PPP1R16B: variants seen among roughly 807,000 people sequenced by gnomAD.
PPP1R16B encodes protein phosphatase 1 regulatory inhibitor subunit 16B.
A neutral mutation model predicts 61.7 loss-of-function variants in PPP1R16B; 14 were observed. The ratio of observed to expected loss-of-function variants is 0.23; its 90% CI spans 0.15 to 0.35. The LOEUF is 0.35. PPP1R16B is among the 10% of genes least tolerant of loss of function. The probability of loss-of-function intolerance (pLI) is 1.00; values close to 1 mark genes in which losing one functional copy is unlikely to be tolerated. For synonymous variants in PPP1R16B, 266 were observed against 305.3 expected, an observed-to-expected ratio of 0.87 and a Z score of 1.34; for missense variants, 547 against 752.5, an observed-to-expected ratio of 0.73 and a Z score of 3.19.
intron 1 of PPP1R16B, among the ~76,000 whole-genome samples, chr20:38,833,388 C>T (rs2084849942): frequency 6.6e-6 from 1 of 152,126 alleles, no homozygotes; most frequent in Non-Finnish European, 1.5e-5. Flanking sequence ...TTGCATAAAA[C>T]AAAACACATC....
At chr20:38,887,577 A>G (rs1243700990) in intron 2 of PPP1R16B, among the ~76,000 whole-genome samples, 2 of 152,220 alleles carry the variant, frequency 1.3e-5, no homozygotes, top group Non-Finnish European at 2.9e-5. Context: ...AAAATGGTCT[A>G]TTTCTACACT....
At chr20:38,897,412 A>G (rs1016759119) in intron 4 of PPP1R16B, among the ~76,000 whole-genome samples, 1 of 152,190 alleles carries the variant, frequency 6.6e-6, no homozygotes, top group African/African-American at 2.4e-5. Context: ...AGGTTCATCT[A>G]TGTTGTAGTA....
In PPP1R16B at chr20:38,890,347, G is replaced by A. The variant is rs573721185; in HGVS notation, c.321+682G>A. Among the ~76,000 whole-genome samples the A allele has an allele frequency of 5.3e-5, 8 of 152,342 alleles. 1 individual carries two copies. The South Asian group carries it at 1.7e-3, about 32-fold the overall frequency. ...GGGATAAAGAACAAACTCTGCCACAGTGCACAAGGCTGCACGAGGCTGGGC... is the reference window on the plus strand; with the variant it reads ...GGGATAAAGAACAAACTCTGCCACAATGCACAAGGCTGCACGAGGCTGGGC... On this transcript the variant is annotated intron_variant, in intron 3 of 10. Coordinates refer to ENST00000299824, the MANE Select transcript of PPP1R16B (RefSeq NM_015568.4).
intron 3 of PPP1R16B, among the ~76,000 whole-genome samples, chr20:38,891,952 A>T (rs531604708): frequency 1.1e-4 from 16 of 152,128 alleles, no homozygotes; most frequent in Non-Finnish European, 2.1e-4. Context: ...GATCCACAGC[A>T]CTCGAAATGT....
rs11381856 is a variant in PPP1R16B, at chr20:38,850,967, C to CAA, written c.250+14807_250+14808dup. On this transcript the variant is annotated intron_variant, in intron 2 of 10. Transcript: ENST00000299824. ...TGGGCAATAGAACAAGACTCCATCTCAAAAAAAAAAAAAAAATTGTTGAAT... is the reference window on the plus strand; with the variant it reads ...TGGGCAATAGAACAAGACTCCATCTCAAAAAAAAAAAAAAAAAATTGTTGAAT... Among the ~76,000 whole-genome samples the CAA allele has an allele frequency of 3.7e-3, 504 of 136,670 alleles. 1 individual carries two copies. The highest frequency in any genetic ancestry group is 9.6e-3 in the African/African-American group (351 of 36,592). The allele number at this position is 136,670 out of a possible 152,430, so 89.7% of individuals were successfully genotyped here.
chr20:38,869,201 C>T (rs2085110233), intron 2 of PPP1R16B, among the ~76,000 whole-genome samples: 1 of 151,992 alleles, frequency 6.6e-6, no homozygotes, highest in African/African-American at 2.4e-5. Flanking sequence ...ACGTGTCACC[C>T]AGGCTGAATG....
intron 2 of PPP1R16B, among the ~76,000 whole-genome samples, chr20:38,847,306 T>C (rs1411417803): frequency 6.6e-6 from 1 of 152,214 alleles, no homozygotes; most frequent in Non-Finnish European, 1.5e-5. Flanking sequence ...TGAATACCTA[T>C]TCATAAGCTT....
At chr20:38,843,361 C>T (rs1476076031) in intron 2 of PPP1R16B, among the ~76,000 whole-genome samples, 1 of 152,222 alleles carries the variant, frequency 6.6e-6, no homozygotes, top group African/African-American at 2.4e-5. Flanking sequence ...GGTTCTCGTT[C>T]AGGATATCTC....
chr20:38,918,648 C>T lies in PPP1R16B; in HGVS notation c.1686C>T (p.Gly562=), dbSNP rs1247360348. The change falls in exon 11 of 11, where the codon GGC becomes GGT. Residue 562 remains glycine, a synonymous_variant. Coordinates refer to ENST00000299824, the MANE Select transcript of PPP1R16B (RefSeq NM_015568.4). This position sits in a 1 kb window ranked among gnomAD's most constrained non-coding sequence, Gnocchi z 5.3. ...PIEEMEEKVH[G]CCRIS ...AGGAGATGGAGGAGAAGGTGCATGG[C>T]TGTTGCCGTATCTCCTAGTCTCCGT... 6.6e-7 allele frequency: 1 copy of T among 1,513,444 alleles called. No individual in the cohort carries two copies. The highest frequency in any genetic ancestry group is 8.8e-7 in the Non-Finnish European group (1 of 1,132,238). The allele number at this position is 1,513,444 out of a possible 1,614,324, so 93.8% of individuals were successfully genotyped here. A position where few individuals can be genotyped will look rare whatever the true frequency, so the allele number is the denominator to read the frequency against.
intron 2 of PPP1R16B, among the ~76,000 whole-genome samples, chr20:38,844,736 C>G (rs974431117): frequency 3.9e-5 from 6 of 152,084 alleles, no homozygotes; most frequent in African/African-American, 1.2e-4. Context: ...CTTGGTGCCA[C>G]TAAGTTAATT....
chr20:38,836,226 A>G, intron 2 of PPP1R16B, 51 bp downstream of exon 2: 1 of 1,567,330 alleles, frequency 6.4e-7, no homozygotes, highest in Non-Finnish European at 8.6e-7. Context: ...GCCTCTGATC[A>G]GGGTTTGGAA....
chr20:38,825,174 A>T (rs2084798038), intron 1 of PPP1R16B, among the ~76,000 whole-genome samples: 1 of 152,184 alleles, frequency 6.6e-6, no homozygotes, highest in African/African-American at 2.4e-5. Context: ...AGATGCTTCA[A>T]ATGGACAAGA....
chr20:38,880,975 C>T (rs2085199603), intron 2 of PPP1R16B, among the ~76,000 whole-genome samples: 1 of 152,176 alleles, frequency 6.6e-6, no homozygotes, highest in African/African-American at 2.4e-5. Flanking sequence ...CACGGTTGTC[C>T]AACCCCTCCT....
At chr20:38,882,042 G>A (rs1395092453) in intron 2 of PPP1R16B, among the ~76,000 whole-genome samples, 2 of 152,116 alleles carry the variant, frequency 1.3e-5, no homozygotes, top group Non-Finnish European at 2.9e-5. Context: ...AGCAATAATC[G>A]CAGGGAGCTA....
rs1452799719 is a variant in PPP1R16B, at chr20:38,806,356, C to T, written c.-102+564C>T. On this transcript the variant is annotated intron_variant, in intron 1 of 10. Coordinates refer to ENST00000299824, the MANE Select transcript of PPP1R16B (RefSeq NM_015568.4). This position sits in a 1 kb window ranked among gnomAD's most constrained non-coding sequence, Gnocchi z 4.5. ...GGCGCCTCCACCTGCAGACCCGCCC[C>T]GCCTCAGGATCCGGCTGACAGCACC... Among the ~76,000 whole-genome samples the T allele has an allele frequency of 6.6e-6, 1 of 152,112 alleles. No homozygotes were observed.
At chr20:38,906,760 CCTT>C (rs1323221459) in intron 7 of PPP1R16B, among the ~76,000 whole-genome samples, 1 of 152,154 alleles carries the variant, frequency 6.6e-6, no homozygotes, top group African/African-American at 2.4e-5. Flanking sequence ...TCTTTCTTCT[CCTT>C]CTTCTTGGTG....
chr20:38,875,771 G>A (rs982716131), intron 2 of PPP1R16B, among the ~76,000 whole-genome samples: 2 of 151,974 alleles, frequency 1.3e-5, no homozygotes, highest in African/African-American at 4.8e-5. Context: ...AGTGGGGACA[G>A]CCAGAAGCAA....
rs750699141 is a variant in PPP1R16B, at chr20:38,907,762, G to A, written c.899-44G>A. The A allele has an allele frequency of 2.5e-6, 4 of 1,609,020 alleles. No individual in the cohort carries two copies. The highest frequency in any genetic ancestry group is 3.4e-6 in the Non-Finnish European group (4 of 1,176,788). Reference sequence around the variant, plus strand: ...GTCTGGAGCACCCTCTTGCGCCACAGGTCCTGGCCCCGTCCCCCACAACAG... The same window carrying A: ...GTCTGGAGCACCCTCTTGCGCCACAAGTCCTGGCCCCGTCCCCCACAACAG... On this transcript the variant is annotated intron_variant, in intron 8 of 10. Transcript: ENST00000299824. This position sits in a 1 kb window ranked among gnomAD's most constrained non-coding sequence, Gnocchi z 4.5.
At chr20:38,809,360 T>C (rs1026010491) in intron 1 of PPP1R16B, among the ~76,000 whole-genome samples, 1 of 152,130 alleles carries the variant, frequency 6.6e-6, no homozygotes, top group Non-Finnish European at 1.5e-5. Flanking sequence ...CCAGGATTCA[T>C]TGATTCATTC....
Sources: allele counts gnomAD v4.1 joint callset (sites outside exome capture counted in the v4.1 genomes callset), GRCh38; gene constraint gnomAD v4.1.1; non-coding constraint Gnocchi (gnomAD v3.1); transcripts MANE v1.5; gene names NCBI Gene and HGNC (gene_info 2026-07-23, HGNC 2026-07-21).